UBR3: variants seen among roughly 807,000 people sequenced by gnomAD.
UBR3 encodes ubiquitin protein ligase E3 component n-recognin 3, also known as E3 ubiquitin-protein ligase UBR3.
A neutral mutation model predicts 243.2 loss-of-function variants in UBR3; 85 were observed. That is an observed-to-expected ratio of 0.35 (90% confidence interval 0.29 to 0.42). The LOEUF (loss-of-function observed/expected upper bound fraction) is 0.42. UBR3 is among the 10% of genes least tolerant of loss of function. The pLI is 1.00. For synonymous variants in UBR3, 748 were observed against 799.8 expected (o/e 0.94, Z 1.09); for missense variants, 1,686 against 2,300.8 (o/e 0.73, Z 5.47).
rs746655489 is a variant in UBR3, at chr2:169,845,492, T to TTCGTCG, written c.545+17443_545+17448dup. Among the ~76,000 whole-genome samples the TTCGTCG allele has an allele frequency of 4.8e-3, 590 of 123,520 alleles. 3 individuals are homozygous for TTCGTCG. Among genetic ancestry groups the TTCGTCG allele is most frequent in the Middle Eastern group, 0.029 (8 of 278 alleles). 81.0% of individuals were successfully genotyped at this position (123,520 alleles called of 152,430 possible). On this transcript the variant is annotated intron_variant, in intron 1 of 38. Transcript: ENST00000272793. Reference sequence around the variant, plus strand: ...TGACTATTAGTAATTCCTTTCCCTCTTCGTCGTCATCGTCGTCGTCGTCGT... The same window carrying TTCGTCG: ...TGACTATTAGTAATTCCTTTCCCTCTTCGTCGTCGTCGTCATCGTCGTCGTCGTCGT...
At chr2:170,043,935 G>C (rs1181700178) in intron 32 of UBR3, among the ~76,000 whole-genome samples, 1 of 152,036 alleles carries the variant, frequency 6.6e-6, no homozygotes, top group African/African-American at 2.4e-5. Context: ...ATTCCTCTTA[G>C]AATTTAGGGT....
At chr2:169,978,281 A>G (rs1369566249) in intron 24 of UBR3, among the ~76,000 whole-genome samples, 1 of 152,080 alleles carries the variant, frequency 6.6e-6, no homozygotes, top group Admixed American at 6.6e-5. Flanking sequence ...TTCCAGGTGC[A>G]GGTGCTTGGA....
chr2:169,850,825 CAGAG>C (rs1254657770), intron 1 of UBR3, among the ~76,000 whole-genome samples: 1 of 147,912 alleles, frequency 6.8e-6, no homozygotes, highest in Non-Finnish European at 1.5e-5. Flanking sequence ...GCCTGGGCGA[CAGAG>C]AGAGACTCAG....
intron 20 of UBR3, among the ~76,000 whole-genome samples, chr2:169,944,262 T>A (rs1367687284): frequency 6.6e-6 from 1 of 152,166 alleles, no homozygotes; most frequent in Non-Finnish European, 1.5e-5. Context: ...ATTATTCTCC[T>A]TTTTCAGATA....
intron 11 of UBR3, among the ~76,000 whole-genome samples, chr2:169,917,831 T>C (rs1006792359): frequency 6.6e-6 from 1 of 152,112 alleles, no homozygotes; most frequent in Non-Finnish European, 1.5e-5. Flanking sequence ...GTCTCCTGAG[T>C]AACTGGGACT....
chr2:169,881,945 CAT>C (rs1491138630), intron 5 of UBR3, among the ~76,000 whole-genome samples: 3 of 110,932 alleles, frequency 2.7e-5, no homozygotes, highest in Non-Finnish European at 3.7e-5. Context: ...AATATAATTA[CAT>C]ATGTATGTAT....
chr2:170,020,204 A>T (rs2090353657), intron 30 of UBR3, among the ~76,000 whole-genome samples: 1 of 152,144 alleles, frequency 6.6e-6, no homozygotes, highest in African/African-American at 2.4e-5. Flanking sequence ...AGATTGAACC[A>T]CAATTTTGTT....
chr2:170,025,810 C>G (rs1273141251), intron 30 of UBR3, among the ~76,000 whole-genome samples: 1 of 152,110 alleles, frequency 6.6e-6, no homozygotes, highest in Middle Eastern at 3.2e-3. Context: ...TGGTTGTTTG[C>G]ATGGGTAGTG....
intron 1 of UBR3, among the ~76,000 whole-genome samples, chr2:169,866,683 A>AT (rs2083277362): frequency 6.6e-6 from 1 of 152,102 alleles, no homozygotes; most frequent in African/African-American, 2.4e-5. Flanking sequence ...TCTTAAATTC[A>AT]TTTTTTCTTT....
intron 30 of UBR3, 59 bp from the exon 31 acceptor site, chr2:170,029,287 A>C: frequency 7.2e-7 from 1 of 1,393,924 alleles, no homozygotes; most frequent in Middle Eastern, 2.1e-4. Context: ...ATTTTGTCTG[A>C]ATTTTGTTCT....
intron 8 of UBR3, 93 bp from the exon 9 acceptor site, chr2:169,905,021 T>C (rs1451038373): frequency 9.4e-7 from 1 of 1,065,092 alleles, no homozygotes; most frequent in African/African-American, 1.6e-5. Context: ...AATTTAGGTA[T>C]ATCTGATTCT....
intron 1 of UBR3, among the ~76,000 whole-genome samples, chr2:169,838,539 C>T (rs1023770869): frequency 6.6e-6 from 1 of 151,930 alleles, no homozygotes; most frequent in Non-Finnish European, 1.5e-5. Context: ...TTGCTTAAGG[C>T]AGAGCCCTCA....
At position 169,868,952 on chromosome 2, in the gene UBR3, C is replaced by G. The variant is rs140841883; in HGVS notation, c.546-3284C>G. ...CCCCTTTATTCCCCTCTGTCACTGA[C>G]AGGTTACAGAAACTGGGTCAGTTGT... On this transcript the variant is annotated intron_variant, in intron 1 of 38. Coordinates refer to ENST00000272793, the MANE Select transcript of UBR3 (RefSeq NM_172070.4). Among the ~76,000 whole-genome samples the G allele has an allele frequency of 8.1e-4, 124 of 152,250 alleles. 1 individual carries two copies. Among genetic ancestry groups the G allele is most frequent in the Admixed American group, 2.5e-3 (38 of 15,290 alleles).
At chr2:170,051,455 C>G (rs2105439712) in intron 32 of UBR3, among the ~76,000 whole-genome samples, 1 of 152,240 alleles carries the variant, frequency 6.6e-6, no homozygotes, top group African/African-American at 2.4e-5. Context: ...AGTGATTTTC[C>G]TGCCTCAGCC....
chr2:169,868,647 GTGT>G (rs141774039), intron 1 of UBR3, among the ~76,000 whole-genome samples: 3 of 152,192 alleles, frequency 2.0e-5, no homozygotes, highest in East Asian at 3.8e-4. Flanking sequence ...GATAATCACA[GTGT>G]TGTTGTCACA....
Position 169,905,194 on chromosome 2 carries a change from G to A in UBR3, c.1546G>A (p.Asp516Asn). ...KNNTYWPLVS[D>N]FINILSHQSV... ...TAACACTTACTGGCCTCTTGTTAGT[G>A]ATTTTATTAATATTCTTTCTCATCA... The change falls in exon 9 of 39, where the codon GAT becomes AAT. Residue 516 changes from aspartate to asparagine, a missense_variant. This residue lies in a region of UBR3 where 346 missense variants were observed against 585.8 expected (regional missense o/e 0.59). Coordinates refer to ENST00000272793, the MANE Select transcript of UBR3 (RefSeq NM_172070.4). The A allele has an allele frequency of 6.5e-7, 1 of 1,542,878 alleles. No homozygotes were observed. The highest frequency in any genetic ancestry group is 8.7e-7 in the Non-Finnish European group (1 of 1,142,992).
chr2:170,055,725 T>C lies in UBR3; in HGVS notation c.4785+141T>C, dbSNP rs2091317809. Reference sequence around the variant, plus strand: ...TTGAGCACCTACAGGCTAAAAAATGTTTAAAATGTTTTCACTAAACAATGA... The same window carrying C: ...TTGAGCACCTACAGGCTAAAAAATGCTTAAAATGTTTTCACTAAACAATGA... On this transcript the variant is annotated intron_variant, in intron 33 of 38. Transcript: ENST00000272793. The C allele has an allele frequency of 2.9e-6, 3 of 1,021,016 alleles. No individual in the cohort carries two copies. In the Admixed American group the frequency reaches 8.8e-5, roughly 30 times the overall value. 63.2% of individuals were successfully genotyped at this position (1,021,016 alleles called of 1,614,324 possible).
At chr2:169,868,097 C>G (rs1005283270) in intron 1 of UBR3, among the ~76,000 whole-genome samples, 3 of 152,066 alleles carry the variant, frequency 2.0e-5, no homozygotes, top group African/African-American at 7.2e-5. Context: ...AAATGAATTC[C>G]TTAAACATCA....
intron 29 of UBR3, chr2:170,014,580 A>G (rs1332365706): frequency 6.6e-6 from 1 of 152,014 alleles, no homozygotes; most frequent in Non-Finnish European, 1.5e-5. Context: ...CATTAGTTTG[A>G]TTTTTGAAAT....
Sources: allele counts gnomAD v4.1 joint callset (sites outside exome capture counted in the v4.1 genomes callset), GRCh38; gene constraint gnomAD v4.1.1; regional missense constraint gnomAD v4.1.1; transcripts MANE v1.5; gene names NCBI Gene and HGNC (gene_info 2026-07-23, HGNC 2026-07-21).